The following CACNA1D variants were observed in gnomAD, a reference collection of about 807,000 sequenced individuals.
CACNA1D encodes calcium voltage-gated channel subunit alpha1 D.
In CACNA1D, 55 loss-of-function variants were observed where a neutral mutation model predicts 257.1. The ratio of observed to expected loss-of-function variants is 0.21; its 90% confidence interval spans 0.17 to 0.27. The LOEUF is 0.27. Ranked by LOEUF, CACNA1D falls within the 10% of genes least tolerant of loss-of-function variation. The pLI is 1.00. For missense variants in CACNA1D, 1,876 were observed against 2,784.0 expected (o/e 0.67, Z 7.34); for synonymous variants, 980 against 1,014.9 (o/e 0.97, Z 0.65).
At chr3:53,695,313 G>A (rs2094563647) in intron 8 of CACNA1D, among the ~76,000 whole-genome samples, 2 of 152,122 alleles carry the variant, frequency 1.3e-5, no homozygotes, top group African/African-American at 2.4e-5. Flanking sequence ...TGCATCCCAG[G>A]GCAACTGTGC....
chr3:53,522,156 T>A (rs1337905684), intron 3 of CACNA1D, among the ~76,000 whole-genome samples: 1 of 152,008 alleles, frequency 6.6e-6, no homozygotes, highest in East Asian at 1.9e-4. Context: ...ACATTTCCAT[T>A]GTTCCTTATT....
chr3:53,511,524 G>A (rs1291341544), intron 3 of CACNA1D, among the ~76,000 whole-genome samples: 1 of 152,044 alleles, frequency 6.6e-6, no homozygotes, highest in Non-Finnish European at 1.5e-5. Flanking sequence ...TGTCTTCGCC[G>A]TGCTTTTGTC....
intron 3 of CACNA1D, among the ~76,000 whole-genome samples, chr3:53,585,310 A>T (rs1236687904): frequency 6.6e-6 from 1 of 152,166 alleles, no homozygotes; most frequent in Non-Finnish European, 1.5e-5. Context: ...GGGAGCCAGG[A>T]TACTGGGAGT....
intron 39 of CACNA1D, chr3:53,781,924 A>C: frequency 2.1e-6 from 1 of 486,638 alleles, no homozygotes; most frequent in East Asian, 3.7e-5. Flanking sequence ...TTTTTGGTGG[A>C]GGAATTAATG....
intron 4 of CACNA1D, among the ~76,000 whole-genome samples, chr3:53,651,250 T>G (rs2094088982): frequency 6.6e-6 from 1 of 151,950 alleles, no homozygotes; most frequent in East Asian, 1.9e-4. Flanking sequence ...GTCAAATGAG[T>G]AGAGCTTTTA....
At chr3:53,671,266 C>T (rs549488396) in intron 7 of CACNA1D, among the ~76,000 whole-genome samples, 5 of 152,298 alleles carry the variant, frequency 3.3e-5, no homozygotes, top group South Asian at 4.1e-4. Context: ...CAGCAGATGA[C>T]GGTTGCTAGG....
intron 8 of CACNA1D, among the ~76,000 whole-genome samples, chr3:53,700,744 G>A (rs1005471279): frequency 6.6e-6 from 1 of 152,164 alleles, no homozygotes; most frequent in South Asian, 2.1e-4. Flanking sequence ...TTCACAGGGG[G>A]TGGAGTGGAG....
chr3:53,538,172 G>GAGT (rs1180445010), intron 3 of CACNA1D, among the ~76,000 whole-genome samples: 1 of 95,752 alleles, frequency 1.0e-5, no homozygotes, highest in Non-Finnish European at 1.7e-5. Flanking sequence ...TTTTTTGACA[G>GAGT]AGTCTCGTTC....
At chr3:53,632,854 A>C (rs1386715466) in intron 3 of CACNA1D, among the ~76,000 whole-genome samples, 1 of 152,242 alleles carries the variant, frequency 6.6e-6, no homozygotes, top group African/African-American at 2.4e-5. Context: ...GATGTCTCCA[A>C]ACAATTACAA....
At chr3:53,615,859 T>C (rs929004891) in intron 3 of CACNA1D, among the ~76,000 whole-genome samples, 1 of 152,236 alleles carries the variant, frequency 6.6e-6, no homozygotes, top group Non-Finnish European at 1.5e-5. Context: ...GACAAGGAAA[T>C]GTCAAACTCC....
At chr3:53,636,115 G>A (rs1288377543) in intron 3 of CACNA1D, among the ~76,000 whole-genome samples, 1 of 152,182 alleles carries the variant, frequency 6.6e-6, no homozygotes, top group Non-Finnish European at 1.5e-5. Flanking sequence ...GAGGGAGAGA[G>A]TGTATACCAG....
At chr3:53,602,056 A>G (rs2093450053) in intron 3 of CACNA1D, among the ~76,000 whole-genome samples, 1 of 152,190 alleles carries the variant, frequency 6.6e-6, no homozygotes, top group Admixed American at 6.5e-5. Context: ...TGTCAACACT[A>G]GGTCTTATTT....
intron 4 of CACNA1D, among the ~76,000 whole-genome samples, chr3:53,654,679 C>A (rs1030799028): frequency 6.6e-6 from 1 of 152,140 alleles, no homozygotes; most frequent in Non-Finnish European, 1.5e-5. Context: ...ATGCCTATGG[C>A]TATTTGGTAT....
chr3:53,764,843 A>G (rs2095323649), intron 30 of CACNA1D, among the ~76,000 whole-genome samples: 1 of 152,180 alleles, frequency 6.6e-6, no homozygotes, highest in East Asian at 1.9e-4. Context: ...CTTGGCATGC[A>G]ATTAAACTTT....
chr3:53,779,992 C>T, intron 37 of CACNA1D, 34 bp from the exon 38 acceptor site: 1 of 1,418,738 alleles, frequency 7.0e-7, no homozygotes, highest in Non-Finnish European at 1.0e-6. Context: ...CACTCATTTG[C>T]ATTCTACAAA....
chr3:53,652,971 C>T (rs1280488335), intron 4 of CACNA1D, among the ~76,000 whole-genome samples: 1 of 152,218 alleles, frequency 6.6e-6, no homozygotes, highest in Non-Finnish European at 1.5e-5. Context: ...GCAAACTAGG[C>T]TGGGCATGGT....
rs149327469 is a variant in CACNA1D at position 53,745,833 on chromosome 3, A to T, written c.3125A>T (p.Tyr1042Phe). The T allele has an allele frequency of 2.5e-6, 4 of 1,613,706 alleles. No homozygotes were observed. The African/African-American group carries it at 4.0e-5, about 16-fold the overall frequency. Reference protein sequence around the residue: ...IGVQLFKGKFYRCTDEAKSNP... With the variant: ...IGVQLFKGKFFRCTDEAKSNP... The stretch of plus-strand genomic sequence containing the variant: ...CTATTTTATACCCAGGGGAAGTTCT[A>T]TCGCTGTACGGATGAAGCCAAAAGT... Residue 1042 changes from tyrosine (Y) to phenylalanine (F), a missense_variant, in exon 25 of 48, where the codon TAT becomes TTT. Around this residue, in one of 10 missense-constraint regions of CACNA1D, gnomAD observed 271 missense variants for 425.5 expected, o/e 0.64. Transcript: ENST00000350061.
intron 8 of CACNA1D, among the ~76,000 whole-genome samples, chr3:53,675,934 G>T (rs1314548490): frequency 6.6e-6 from 1 of 152,178 alleles, no homozygotes; most frequent in Non-Finnish European, 1.5e-5. Flanking sequence ...CCCCCAGAAG[G>T]CCTCCGGTAG....
intron 3 of CACNA1D, among the ~76,000 whole-genome samples, chr3:53,530,661 C>T (rs1306903217): frequency 6.6e-6 from 1 of 152,136 alleles, no homozygotes; most frequent in Admixed American, 6.5e-5. Context: ...GGTGGTGTTG[C>T]ACGGTGCCCA....
Sources: gnomAD v4.1 joint callset for allele counts (sites outside exome capture counted in the v4.1 genomes callset) on GRCh38, gnomAD v4.1.1 for gene constraint, gnomAD v4.1.1 regional missense constraint, MANE v1.5 for transcripts, NCBI Gene and HGNC (gene_info 2026-07-23, HGNC 2026-07-21) for gene names.